Variants in SEC63 observed in about 807,000 individuals in gnomAD.
SEC63 encodes the protein SEC63 protein translocation regulator.
A neutral mutation model predicts 116.2 loss-of-function variants in SEC63; 56 were observed. That is an observed-to-expected ratio of 0.48 (90% confidence interval 0.39 to 0.60). SEC63 has a LOEUF of 0.60. Among genes scored for constraint, SEC63 ranks in the 20% least tolerant of loss-of-function variants. The pLI is 0.00. For synonymous variants in SEC63, 273 were observed against 294.6 expected (o/e 0.93, Z 0.75); for missense variants, 668 against 900.0 (o/e 0.74, Z 3.30).
At chr6:107,908,306 C>T (rs1216967000) in intron 8 of SEC63, among the ~76,000 whole-genome samples, 1 of 150,742 alleles carries the variant, frequency 6.6e-6, no homozygotes, top group Admixed American at 6.7e-5. Context: ...GCAAAGTTTG[C>T]TTTATATAAT....
At chr6:107,886,334 C>T (rs764056479) in intron 16 of SEC63, among the ~76,000 whole-genome samples, 32 of 152,130 alleles carry the variant, frequency 2.1e-4, no homozygotes, top group Non-Finnish European at 4.4e-4. Context: ...CTGTATGTGT[C>T]TTTATAGTAA....
At chr6:107,887,313 G>A (rs1038336195) in intron 16 of SEC63, among the ~76,000 whole-genome samples, 26 of 141,942 alleles carry the variant, frequency 1.8e-4, no homozygotes, top group Admixed American at 3.6e-4. Flanking sequence ...GTTTATTGCC[G>A]CATTATTCAC....
chr6:107,890,127 G>A (rs1786645300), intron 16 of SEC63, among the ~76,000 whole-genome samples: 1 of 152,094 alleles, frequency 6.6e-6, no homozygotes, highest in African/African-American at 2.4e-5. Context: ...TTCAAGTCCT[G>A]GATATCCTTG....
Position 107,958,109 on chromosome 6 carries a change from A to G in SEC63, c.-100T>C, listed in dbSNP as rs2114531014. 1.3e-6 allele frequency: 2 copies of G among 1,551,934 alleles called. No homozygotes were observed. The highest frequency in any genetic ancestry group is 1.8e-6 in the Non-Finnish European group (2 of 1,141,554). ...CCGGCCCGAGTGGCGTAGCTTGGAC[A>G]CTGCCGCCGCCGCCTCTCCTCCCCG... is the stretch of plus-strand genomic sequence containing the variant. On this transcript the variant is annotated 5_prime_UTR_variant, in exon 1 of 21. Coordinates refer to ENST00000369002, the MANE Select transcript of SEC63 (RefSeq NM_007214.5).
intron 1 of SEC63, among the ~76,000 whole-genome samples, chr6:107,953,394 T>TGG (rs1281292579): frequency 4.7e-5 from 7 of 149,704 alleles, no homozygotes; most frequent in African/African-American, 1.7e-4. Context: ...GGGAAGGAGG[T>TGG]GGGGGGGTCA....
At chr6:107,919,157 T>C (rs367764176) in intron 4 of SEC63, among the ~76,000 whole-genome samples, 8 of 152,092 alleles carry the variant, frequency 5.3e-5, no homozygotes, top group Admixed American at 3.9e-4. Flanking sequence ...GTGATCCACC[T>C]GCCTCGGCCT....
chr6:107,907,171 C>T (rs1311589644), intron 8 of SEC63, among the ~76,000 whole-genome samples: 1 of 152,170 alleles, frequency 6.6e-6, no homozygotes, highest in African/African-American at 2.4e-5. Context: ...TTAAAGGTTT[C>T]TTTACTACAT....
intron 3 of SEC63, among the ~76,000 whole-genome samples, chr6:107,923,159 T>C (rs1787596605): frequency 6.6e-6 from 1 of 152,218 alleles, no homozygotes; most frequent in Admixed American, 6.5e-5. Context: ...AAAGATTTTT[T>C]TTTTGAGACA....
chr6:107,906,665 T>G lies in SEC63; in HGVS notation c.828+18A>C, dbSNP rs773351052. The G allele has an allele frequency of 6.2e-7, 1 of 1,610,282 alleles. No homozygotes were observed. On this transcript the variant is annotated intron_variant, in intron 9 of 20. Transcript: ENST00000369002. The stretch of plus-strand genomic sequence containing the variant: ...AATACTTAACTGCTCATCGGGGGAT[T>G]TGGGAAATTAGCCTAACCTGTGGTA...
intron 19 of SEC63, among the ~76,000 whole-genome samples, chr6:107,875,127 A>G (rs1435974546): frequency 6.6e-6 from 1 of 151,996 alleles, no homozygotes; most frequent in Non-Finnish European, 1.5e-5. Context: ...GCCTCCCAAA[A>G]TGCTGGAATT....
At chr6:107,909,592 A>G (rs564021248) in intron 7 of SEC63, among the ~76,000 whole-genome samples, 1 of 152,290 alleles carries the variant, frequency 6.6e-6, no homozygotes, top group South Asian at 2.1e-4. Flanking sequence ...ATATATAATC[A>G]AAACATTTAC....
chr6:107,918,451 T>G (rs1045067246), intron 4 of SEC63, among the ~76,000 whole-genome samples: 1 of 152,126 alleles, frequency 6.6e-6, no homozygotes, highest in African/African-American at 2.4e-5. Context: ...ACTGAGCAAT[T>G]TCAGAGGCCG....
chr6:107,917,265 G>A lies in SEC63; in HGVS notation c.453-3838C>T, dbSNP rs144477633. On this transcript the variant is annotated intron_variant, in intron 4 of 20. Transcript: ENST00000369002. ...TTAATTTAGTATCTATAGAAACAAT[G>A]CTAATGACTGGTTTGCTGTTAATAG... 2.3e-3 allele frequency among the ~76,000 whole-genome samples: 357 copies of A among 152,280 alleles called. 2 individuals carry two copies. Among genetic ancestry groups the A allele is most frequent in the African/African-American group, 8.1e-3 (338 of 41,546 alleles).
At chr6:107,893,776 G>A in intron 15 of SEC63, 62 bp downstream of exon 15, 1 of 1,603,860 alleles carries the variant, frequency 6.2e-7, no homozygotes, top group Non-Finnish European at 8.5e-7. Context: ...TAAGTCAATT[G>A]GAAAAGTAAA....
rs140210517 is a variant in SEC63, at chr6:107,897,035, G to A, written c.1440+614C>T. On this transcript the variant is annotated intron_variant, in intron 14 of 20. Transcript: ENST00000369002. ...AAGGAGAGAAGAAGGGAAGGAGGGA[G>A]GGAGGGAAGGAAGGAAGGAAATGGG... Among the ~76,000 whole-genome samples, 475 of 151,270 alleles carry A rather than the reference G, an allele frequency of 3.1e-3. 1 individual carries two copies. The highest frequency in any genetic ancestry group is 5.0e-3 in the Non-Finnish European group (341 of 67,762).
At chr6:107,901,177 C>CT (rs766069493) in intron 13 of SEC63, among the ~76,000 whole-genome samples, 193 bp downstream of exon 13, 1 of 152,306 alleles carries the variant, frequency 6.6e-6, no homozygotes, top group East Asian at 1.9e-4. Context: ...AAGTAGGACT[C>CT]TATCAGTGTT....
intron 4 of SEC63, 122 bp from the exon 5 acceptor site, chr6:107,913,549 A>G: frequency 1.3e-6 from 1 of 774,238 alleles, no homozygotes; most frequent in Non-Finnish European, 2.3e-6. Context: ...CCATGAATCA[A>G]GAAAAGTTTC....
chr6:107,905,085 A>G (rs1407389439), intron 10 of SEC63, among the ~76,000 whole-genome samples: 1 of 152,218 alleles, frequency 6.6e-6, no homozygotes, highest in Non-Finnish European at 1.5e-5. Context: ...AGGGGGAGAG[A>G]TAAGAGACGT....
intron 7 of SEC63, 49 bp from the exon 8 acceptor site, chr6:107,909,084 T>C (rs575338547): frequency 1.3e-5 from 17 of 1,309,460 alleles, no homozygotes; most frequent in Admixed American, 1.8e-5. Context: ...AAAACTACGA[T>C]AGGCTGGGCG....
Sources: gnomAD v4.1 joint callset for allele counts (sites outside exome capture counted in the v4.1 genomes callset) on GRCh38, gnomAD v4.1.1 for gene constraint, MANE v1.5 for transcripts, NCBI Gene and HGNC (gene_info 2026-07-23, HGNC 2026-07-21) for gene names.